Variants in SPNS2 observed in about 807,000 individuals in gnomAD.
SPNS2 encodes sphingosine-1-phosphate transporter SPNS2.
Under a neutral mutation model 57.6 loss-of-function variants are expected in SPNS2, and 37 were observed. That is an observed-to-expected ratio of 0.64 (90% CI 0.49 to 0.85). The LOEUF is 0.85. SPNS2 is among the 40% of genes least tolerant of loss of function. The pLI is 0.00. For missense variants in SPNS2, 831 were observed against 779.1 expected (o/e 1.07, Z -0.79); for synonymous variants, 440 against 346.9 (o/e 1.27, Z -2.98).
intron 5 of SPNS2, among the ~76,000 whole-genome samples, chr17:4,531,922 G>C (rs1905494612): frequency 6.6e-6 from 1 of 152,164 alleles, no homozygotes; most frequent in Non-Finnish European, 1.5e-5. Flanking sequence ...TGTGGGGCCT[G>C]CATCGGGCCC....
At chr17:4,507,298 T>A (rs893878754) in intron 1 of SPNS2, among the ~76,000 whole-genome samples, 1 of 152,256 alleles carries the variant, frequency 6.6e-6, no homozygotes, top group African/African-American at 2.4e-5. Context: ...CCTTTCAGAT[T>A]GCTAGGCCCT....
In SPNS2 at chr17:4,537,616, G is replaced by A; in HGVS notation, c.*168G>A. On this transcript the variant is annotated 3_prime_UTR_variant, in exon 13 of 13. Transcript: ENST00000329078. ...TGAGTGGCCCTGGCATCAAGAAGAG[G>A]CTGTGTCCTCAGTTACCCTGGAAGG... The A allele has an allele frequency of 2.2e-6, 1 of 456,746 alleles. No homozygotes were observed. Among genetic ancestry groups the A allele is most frequent in the Non-Finnish European group, 4.4e-6 (1 of 226,968 alleles). 28.3% of individuals were successfully genotyped at this position (456,746 alleles called of 1,614,324 possible).
intron 3 of SPNS2, among the ~76,000 whole-genome samples, chr17:4,529,336 T>C (rs1042694220): frequency 6.6e-6 from 1 of 152,006 alleles, no homozygotes; most frequent in Non-Finnish European, 1.5e-5. Flanking sequence ...TGCCTCAGCC[T>C]CCTAAAGTGC....
At chr17:4,516,595 C>T (rs1396908707) in intron 2 of SPNS2, among the ~76,000 whole-genome samples, 2 of 114,314 alleles carry the variant, frequency 1.7e-5, no homozygotes, top group African/African-American at 3.6e-5. Context: ...TAGCTCTGGC[C>T]GGTGGCCGCG....
At position 4,513,297 on chromosome 17, in the gene SPNS2, G is replaced by A. The variant is rs763168501; in HGVS notation, c.421G>A (p.Gly141Ser). The A allele has an allele frequency of 8.1e-6, 13 of 1,613,804 alleles. No homozygotes were observed. The highest frequency in any genetic ancestry group is 2.2e-5 in the East Asian group (1 of 44,884). Residue 141 changes from glycine to serine, a missense_variant, in exon 2 of 13, where the codon GGC becomes AGC. Physicochemically the swap from Gly to Ser is moderately conservative, Grantham distance 56. Coordinates refer to ENST00000329078, the MANE Select transcript of SPNS2 (RefSeq NM_001124758.3). ...QHFGVKDRGAGLLQSVFICSF... is the reference protein window; with the variant it reads ...QHFGVKDRGASLLQSVFICSF... ...CTTTGGGGTCAAGGACCGAGGCGCC[G>A]GCCTGCTGCAGTCAGGTGAGGCCCA...
chr17:4,506,781 G>C (rs1367374321), intron 1 of SPNS2, among the ~76,000 whole-genome samples: 1 of 152,192 alleles, frequency 6.6e-6, no homozygotes, highest in Non-Finnish European at 1.5e-5. Context: ...TGATCAGTAA[G>C]CTGCTCTGCC....
Position 4,530,886 on chromosome 17 carries a change from T to C in SPNS2, c.725+103T>C, listed in dbSNP as rs889051894. On this transcript the variant is annotated intron_variant, in intron 4 of 12. Transcript: ENST00000329078. ...GGGGTTCTAGCCCAGGCAGGCGTCC[T>C]CAGAGAGCTAAACATGTGGGCGGTC... The C allele has an allele frequency of 1.6e-5, 24 of 1,499,906 alleles. No homozygotes were observed. The African/African-American group carries it at 2.5e-4, about 15-fold the overall frequency. 92.9% of individuals were successfully genotyped at this position (1,499,906 alleles called of 1,614,324 possible). A position where few individuals can be genotyped will look rare whatever the true frequency, so the allele number is the denominator to read the frequency against.
intron 5 of SPNS2, among the ~76,000 whole-genome samples, chr17:4,532,141 TC>T (rs1258331685): frequency 7.3e-6 from 1 of 137,888 alleles, no homozygotes; most frequent in African/African-American, 2.8e-5. Flanking sequence ...TATCCGTTCA[TC>T]CATCTGTCCA....
chr17:4,529,338 C>T (rs902511751), intron 3 of SPNS2, among the ~76,000 whole-genome samples: 3 of 152,168 alleles, frequency 2.0e-5, no homozygotes, highest in African/African-American at 7.2e-5. Context: ...CCTCAGCCTC[C>T]TAAAGTGCTG....
chr17:4,528,271 C>A (rs1331981522), intron 3 of SPNS2, among the ~76,000 whole-genome samples: 1 of 151,994 alleles, frequency 6.6e-6, no homozygotes, highest in Admixed American at 6.6e-5. Context: ...GATCCTACCG[C>A]CTCAGCCTCC....
At chr17:4,516,322 A>C (rs1162027087) in intron 2 of SPNS2, among the ~76,000 whole-genome samples, 2 of 103,760 alleles carry the variant, frequency 1.9e-5, no homozygotes, top group African/African-American at 7.8e-5. Flanking sequence ...TCCCCAAAAA[A>C]AAAAAAAAAA....
chr17:4,527,963 A>AC (rs557041224), intron 3 of SPNS2, among the ~76,000 whole-genome samples: 2,201 of 150,418 alleles, frequency 0.015, 54 homozygotes, highest in Admixed American at 0.066. Flanking sequence ...AAAAAAAAAA[A>AC]AGGAAGCAAT....
chr17:4,513,651 G>A (rs1192546758), intron 2 of SPNS2, among the ~76,000 whole-genome samples: 1 of 152,202 alleles, frequency 6.6e-6, no homozygotes, highest in Non-Finnish European at 1.5e-5. Flanking sequence ...GCTGGTGCAG[G>A]GAGCTCCTTA....
chr17:4,536,040 C>G, intron 9 of SPNS2, 36 bp from the exon 10 acceptor site: 6 of 1,589,168 alleles, frequency 3.8e-6, no homozygotes, highest in Non-Finnish European at 5.1e-6. Context: ...GTGAGCCTTT[C>G]TCCTCTGGCC....
In SPNS2 at chr17:4,512,790, A is replaced by T. The variant is rs1246116809; in HGVS notation, c.371-457A>T. 1.3e-5 allele frequency among the ~76,000 whole-genome samples: 2 copies of T among 152,096 alleles called. No homozygotes were observed. Among genetic ancestry groups the T allele is most frequent in the Non-Finnish European group, 2.9e-5 (2 of 67,984 alleles). ...TGCGAATGTGGTTGTGCACATGTGC[A>T]GGTGAACCAGAGTGAGCGGCTGCCC... On this transcript the variant is annotated intron_variant, in intron 1 of 12. Transcript: ENST00000329078. This position sits in a 1 kb window ranked among gnomAD's most constrained non-coding sequence, Gnocchi z 5.2.
intron 2 of SPNS2, 54 bp from the exon 3 acceptor site, chr17:4,525,003 G>A: frequency 6.3e-7 from 1 of 1,593,980 alleles, no homozygotes. Context: ...AAATGGGCCG[G>A]GAGGCCGGGG....
chr17:4,536,859 C>T (rs375494993), intron 11 of SPNS2, 41 bp from the exon 12 acceptor site: 247 of 1,582,606 alleles, frequency 1.6e-4, no homozygotes, highest in East Asian at 6.7e-4. Flanking sequence ...GCCCGGCCCC[C>T]GCTGATGCAC....
In SPNS2 at chr17:4,538,137, C is replaced by T. The variant is rs577619919; in HGVS notation, c.*689C>T. 3 of 297,478 alleles carry T rather than the reference C, an allele frequency of 1.0e-5. No homozygotes were observed. The highest frequency in any genetic ancestry group is 4.3e-5 in the African/African-American group (2 of 46,216). 18.4% of individuals were successfully genotyped at this position (297,478 alleles called of 1,614,324 possible). On this transcript the variant is annotated 3_prime_UTR_variant, in exon 13 of 13. Coordinates refer to ENST00000329078, the MANE Select transcript of SPNS2 (RefSeq NM_001124758.3). The stretch of plus-strand genomic sequence containing the variant: ...GACTGTTCTGACAAGCTGGCATCAC[C>T]AGGGGTGAAGGCCCTGGCTGCAGCT...
At chr17:4,536,704 C>T (rs765112950) in intron 11 of SPNS2, 196 bp from the exon 12 acceptor site, 30 of 632,246 alleles carry the variant, frequency 4.7e-5, no homozygotes, top group East Asian at 1.1e-4. Flanking sequence ...TACTTTCTGA[C>T]TTCTTTCTCC....
Sources: allele counts gnomAD v4.1 joint callset (sites outside exome capture counted in the v4.1 genomes callset), GRCh38; gene constraint gnomAD v4.1.1; non-coding constraint Gnocchi (gnomAD v3.1); transcripts MANE v1.5; gene names NCBI Gene and HGNC (gene_info 2026-07-23, HGNC 2026-07-21).